FAM241A: variants seen among roughly 807,000 people sequenced by gnomAD.
The protein encoded by FAM241A is uncharacterized protein FAM241A.
In FAM241A, 7 loss-of-function variants were observed where a neutral mutation model predicts 12.2. The ratio of observed to expected loss-of-function variants is 0.58; its 90% CI spans 0.33 to 1.08. The LOEUF is 1.08. Ranked by LOEUF, FAM241A falls within the 50% of genes least tolerant of loss-of-function variation. FAM241A has a pLI of 0.04. For synonymous variants in FAM241A, 74 were observed against 68.2 expected, an observed-to-expected ratio of 1.08 and a Z score of -0.42; for missense variants, 161 against 169.7, an observed-to-expected ratio of 0.95 and a Z score of 0.29.
chr4:112,182,694 G>A (rs940103665), intron 1 of FAM241A, among the ~76,000 whole-genome samples: 1 of 152,038 alleles, frequency 6.6e-6, no homozygotes, highest in African/African-American at 2.4e-5. Context: ...TTTTGAGCTG[G>A]CTGTTAATAG....
At chr4:112,182,808 C>T (rs1415830035) in intron 1 of FAM241A, among the ~76,000 whole-genome samples, 8 of 152,104 alleles carry the variant, frequency 5.3e-5, no homozygotes, top group African/African-American at 1.9e-4. Flanking sequence ...CCCAACAAAG[C>T]CCATTGTTAA....
intron 1 of FAM241A, 39 bp from the exon 2 acceptor site, chr4:112,186,654 T>C: frequency 6.4e-7 from 1 of 1,568,738 alleles, no homozygotes; most frequent in East Asian, 2.2e-5. Context: ...ATATTTCTCA[T>C]GTTATGTTCA....
chr4:112,166,195 C>G (rs1281003036), intron 1 of FAM241A, among the ~76,000 whole-genome samples: 2 of 151,542 alleles, frequency 1.3e-5, no homozygotes, highest in Admixed American at 6.6e-5. Flanking sequence ...ACTACAGGTG[C>G]CCCCCACCAC....
chr4:112,159,115 C>T (rs887990923), intron 1 of FAM241A, among the ~76,000 whole-genome samples: 16 of 152,122 alleles, frequency 1.1e-4, no homozygotes, highest in Admixed American at 3.9e-4. Flanking sequence ...ATAAAGTGGT[C>T]ATGGAAGAGC....
chr4:112,145,622 G>A lies in FAM241A; in HGVS notation c.42G>A (p.Gly14=). The change falls in exon 1 of 2, where the codon GGG becomes GGA. Residue 14 remains glycine (G), a synonymous_variant. Transcript: ENST00000309733. ...AGCTGCTGCGGGGCGGCGACGGCGGGGAACGCGACGAGGACGGGGACGCGC... is the reference window on the plus strand; with the variant it reads ...AGCTGCTGCGGGGCGGCGACGGCGGAGAACGCGACGAGGACGGGGACGCGC... The part of the protein sequence containing the change: ...AGELLRGGDG[G]ERDEDGDALA... The A allele has an allele frequency of 1.6e-6, 2 of 1,230,290 alleles. No individual in the cohort carries two copies. Among genetic ancestry groups the A allele is most frequent in the Non-Finnish European group, 2.0e-6 (2 of 985,868 alleles). The allele number at this position is 1,230,290 out of a possible 1,614,324, so 76.2% of individuals were successfully genotyped here. A position where few individuals can be genotyped will look rare whatever the true frequency, so the allele number is the denominator to read the frequency against.
intron 1 of FAM241A, among the ~76,000 whole-genome samples, chr4:112,146,651 T>A (rs1455319084): frequency 2.0e-5 from 3 of 152,224 alleles, no homozygotes; most frequent in Admixed American, 2.0e-4. Context: ...TTAGGACAAT[T>A]AATACCTGTC....
intron 1 of FAM241A, among the ~76,000 whole-genome samples, chr4:112,160,937 A>G (rs1284025959): frequency 6.6e-6 from 1 of 152,250 alleles, no homozygotes; most frequent in African/African-American, 2.4e-5. Context: ...GAAATTTAAC[A>G]TCTCAAACTA....
At position 112,145,500 on chromosome 4, in the gene FAM241A, G is replaced by A. The variant is rs894366356; in HGVS notation, c.-81G>A. On this transcript the variant is annotated 5_prime_UTR_variant, in exon 1 of 2. Coordinates refer to ENST00000309733, the MANE Select transcript of FAM241A (RefSeq NM_152400.3). ...GGCGGGTGCGGCGGATCCCAGGGCA[G>A]CCTTCGGGCGGCGGCGCTGCCTGGT... 8.5e-7 allele frequency: 1 copy of A among 1,178,234 alleles called. No individual in the cohort carries two copies. The highest frequency in any genetic ancestry group is 4.2e-5 in the South Asian group (1 of 23,766). 73.0% of individuals were successfully genotyped at this position (1,178,234 alleles called of 1,614,324 possible). A position where few individuals can be genotyped will look rare whatever the true frequency, so the allele number is the denominator to read the frequency against.
rs371180460 is a variant in FAM241A at position 112,179,935 on chromosome 4, A to G, written c.154-6758A>G. The stretch of plus-strand genomic sequence containing the variant: ...ATGTGATATATATATATATATATAT[A>G]TATGTATATGTGTGTGTGTGTGTGT... On this transcript the variant is annotated intron_variant, in intron 1 of 1. Coordinates refer to ENST00000309733, the MANE Select transcript of FAM241A (RefSeq NM_152400.3). 2.4e-3 allele frequency among the ~76,000 whole-genome samples: 311 copies of G among 127,978 alleles called. 4 individuals are homozygous for G. The highest frequency in any genetic ancestry group is 4.4e-3 in the Non-Finnish European group (263 of 59,878). 84.0% of individuals were successfully genotyped at this position (127,978 alleles called of 152,430 possible). A position where few individuals can be genotyped will look rare whatever the true frequency, so the allele number is the denominator to read the frequency against.
chr4:112,192,560 T>G lies in FAM241A; in HGVS notation c.*5622T>G, dbSNP rs1286022397. 2.0e-5 allele frequency: 3 copies of G among 146,806 alleles called. No individual in the cohort carries two copies. The highest frequency in any genetic ancestry group is 2.1e-4 in the East Asian group (1 of 4,840). 9.1% of individuals were successfully genotyped at this position (146,806 alleles called of 1,614,324 possible). On this transcript the variant is annotated 3_prime_UTR_variant, in exon 2 of 2. Transcript: ENST00000309733. ...CCCTTCCTGTGTCCATGTGTTCTCA[T>G]TGTTCAATTCCCATCTATGAGTGAG...
rs182308653 is a variant in FAM241A at position 112,152,456 on chromosome 4, A to G, written c.153+6723A>G. ...TTACTCTGATAATAGATATTCCAATAGATAGGTTAAAATTGTTTATTTGCT... is the reference window on the plus strand; with the variant it reads ...TTACTCTGATAATAGATATTCCAATGGATAGGTTAAAATTGTTTATTTGCT... On this transcript the variant is annotated intron_variant, in intron 1 of 1. Coordinates refer to ENST00000309733, the MANE Select transcript of FAM241A (RefSeq NM_152400.3). Among the ~76,000 whole-genome samples the G allele has an allele frequency of 2.6e-5, 4 of 152,330 alleles. No homozygotes were observed. The East Asian group carries it at 7.7e-4, about 29-fold the overall frequency.
rs1198071844 is a variant in FAM241A, at chr4:112,193,650, A to G, written c.*6712A>G. ...TTTTCTCAGGTTTGTCAAAGATCAG[A>G]TAGCTGTAGACATGCGGCGTTATTT... On this transcript the variant is annotated 3_prime_UTR_variant, in exon 2 of 2. Transcript: ENST00000309733. 1 of 152,288 alleles carries G rather than the reference A, an allele frequency of 6.6e-6. No homozygotes were observed. Among genetic ancestry groups the G allele is most frequent in the Non-Finnish European group, 1.5e-5 (1 of 68,084 alleles). 9.4% of individuals were successfully genotyped at this position (152,288 alleles called of 1,614,324 possible). A position where few individuals can be genotyped will look rare whatever the true frequency, so the allele number is the denominator to read the frequency against.
chr4:112,165,063 C>T (rs1398135613), intron 1 of FAM241A, among the ~76,000 whole-genome samples: 6 of 152,134 alleles, frequency 3.9e-5, no homozygotes, highest in Non-Finnish European at 8.8e-5. Context: ...ATCGCACCAC[C>T]GCACTCCAGC....
At position 112,193,746 on chromosome 4, in the gene FAM241A, T is replaced by C. The variant is rs925430839; in HGVS notation, c.*6808T>C. On this transcript the variant is annotated 3_prime_UTR_variant, in exon 2 of 2. Transcript: ENST00000309733. ...ACCAGTACCATGCTGTTTTGGTTAT[T>C]GTAGCCTTGTAGTATAGTTTGAAGT... 1 of 152,178 alleles carries C rather than the reference T, an allele frequency of 6.6e-6. No individual in the cohort carries two copies. The highest frequency in any genetic ancestry group is 1.5e-5 in the Non-Finnish European group (1 of 68,050). 9.4% of individuals were successfully genotyped at this position (152,178 alleles called of 1,614,324 possible).
chr4:112,158,480 C>G (rs1723396547), intron 1 of FAM241A, among the ~76,000 whole-genome samples: 1 of 152,012 alleles, frequency 6.6e-6, no homozygotes, highest in Non-Finnish European at 1.5e-5. Flanking sequence ...TTTCCAGGCA[C>G]TGATCTAAGT....
intron 1 of FAM241A, among the ~76,000 whole-genome samples, chr4:112,186,119 T>C (rs956822535): frequency 6.6e-6 from 1 of 152,070 alleles, no homozygotes; most frequent in African/African-American, 2.4e-5. Context: ...TCTGGGATAC[T>C]AACTACTGGG....
At chr4:112,169,072 CTTGGGCTAGGTA>C (rs1227516520) in intron 1 of FAM241A, among the ~76,000 whole-genome samples, 1 of 152,170 alleles carries the variant, frequency 6.6e-6, no homozygotes, top group Admixed American at 6.5e-5. Context: ...ATAACTTTAC[CTTGGGCTAGGTA>C]CAAACTTAAA....
chr4:112,167,122 A>AAT (rs1560582697), intron 1 of FAM241A, among the ~76,000 whole-genome samples: 2 of 150,838 alleles, frequency 1.3e-5, no homozygotes, highest in African/African-American at 4.9e-5. Flanking sequence ...TCAAAAAAAA[A>AAT]AAAAATAAAA....
intron 1 of FAM241A, among the ~76,000 whole-genome samples, chr4:112,166,235 T>G (rs1261936746): frequency 6.6e-6 from 1 of 151,868 alleles, no homozygotes; most frequent in African/African-American, 2.4e-5. Context: ...ATTTTTTTTT[T>G]TTAGTAGAGA....
Sources: gnomAD v4.1 joint callset for allele counts (sites outside exome capture counted in the v4.1 genomes callset) on GRCh38, gnomAD v4.1.1 for gene constraint, MANE v1.5 for transcripts, NCBI Gene and HGNC (gene_info 2026-07-23, HGNC 2026-07-21) for gene names.